The following OR51B5 variants were observed in gnomAD, a reference collection of about 807,000 sequenced individuals.
OR51B5 encodes olfactory receptor 51B5.
For missense variants in OR51B5, 456 were observed against 374.6 expected, an observed-to-expected ratio of 1.22 and a Z score of -1.79; for synonymous variants, 186 against 144.8, an observed-to-expected ratio of 1.28 and a Z score of -2.04.
chr11:5,485,867 C>T (rs1308971783), intron 1 of OR51B5, among the ~76,000 whole-genome samples: 2 of 152,090 alleles, frequency 1.3e-5, no homozygotes, highest in Non-Finnish European at 2.9e-5. Flanking sequence ...AATTAACCCT[C>T]AGCATCTCAG....
At chr11:5,351,045 T>G (rs1384523849) in intron 1 of OR51B5, among the ~76,000 whole-genome samples, 1 of 152,242 alleles carries the variant, frequency 6.6e-6, no homozygotes, top group Non-Finnish European at 1.5e-5. Context: ...AGAACCATTT[T>G]TCTACTGATC....
chr11:5,397,372 C>A (rs1360494597), intron 1 of OR51B5, among the ~76,000 whole-genome samples: 1 of 152,026 alleles, frequency 6.6e-6, no homozygotes, highest in Non-Finnish European at 1.5e-5. Flanking sequence ...AAAAAAACCC[C>A]ATCAAAAAGT....
At chr11:5,504,621 TCCCAAGCACAAG>T (rs1846347096) in intron 1 of OR51B5, among the ~76,000 whole-genome samples, 1 of 152,054 alleles carries the variant, frequency 6.6e-6, no homozygotes, top group East Asian at 1.9e-4. Context: ...GCCTTTATTT[TCCCAAGCACAAG>T]CTTTGGTCCT....
intron 1 of OR51B5, among the ~76,000 whole-genome samples, chr11:5,413,741 T>A (rs1039740105): frequency 5.9e-5 from 9 of 151,930 alleles, no homozygotes; most frequent in African/African-American, 2.2e-4. Context: ...GAAAAAAGAA[T>A]AAAAAGAAAC....
intron 1 of OR51B5, among the ~76,000 whole-genome samples, chr11:5,387,898 G>A (rs1243147549): frequency 8.6e-6 from 1 of 116,006 alleles, no homozygotes; most frequent in Non-Finnish European, 2.1e-5. Flanking sequence ...TTGCATTGCA[G>A]TATGTATGTA....
intron 1 of OR51B5, chr11:5,441,065 G>A (rs1228012308): frequency 8.1e-6 from 13 of 1,613,944 alleles, no homozygotes; most frequent in Non-Finnish European, 9.3e-6. Flanking sequence ...TCTTGGTAAG[G>A]ATGCCCAGAC....
intron 1 of OR51B5, among the ~76,000 whole-genome samples, chr11:5,453,099 G>T (rs1439210304): frequency 1.3e-5 from 2 of 152,196 alleles, no homozygotes; most frequent in Non-Finnish European, 2.9e-5. Context: ...ACAAACTCCT[G>T]ACTTTCTTCT....
intron 1 of OR51B5, among the ~76,000 whole-genome samples, chr11:5,442,265 A>T (rs981849141): frequency 6.6e-6 from 1 of 152,240 alleles, no homozygotes. Context: ...ACCAAAGAAG[A>T]AAGTATTTTA....
At chr11:5,425,103 T>A (rs1472386928) in intron 1 of OR51B5, among the ~76,000 whole-genome samples, 5 of 151,598 alleles carry the variant, frequency 3.3e-5, no homozygotes, top group Admixed American at 2.6e-4. Context: ...TAGCATTTTT[T>A]AATAGAAACA....
chr11:5,499,872 A>ACTAT (rs1851693968), intron 1 of OR51B5, among the ~76,000 whole-genome samples: 1 of 152,204 alleles, frequency 6.6e-6, no homozygotes, highest in Non-Finnish European at 1.5e-5. Flanking sequence ...AGTTCATTTC[A>ACTAT]CTATCTTAAT....
intron 1 of OR51B5, among the ~76,000 whole-genome samples, chr11:5,377,566 T>C (rs923255338): frequency 1.1e-4 from 16 of 152,140 alleles, no homozygotes; most frequent in Non-Finnish European, 2.1e-4. Flanking sequence ...AAAACCCCCT[T>C]GTCTCAGCCC....
intron 1 of OR51B5, among the ~76,000 whole-genome samples, chr11:5,409,485 T>C (rs1850110348): frequency 6.9e-6 from 1 of 144,372 alleles, no homozygotes. Flanking sequence ...TATTAAAAAA[T>C]AATTCAATGC....
chr11:5,430,533 A>G, intron 1 of OR51B5: 2 of 362,702 alleles, frequency 5.5e-6, no homozygotes, highest in Non-Finnish European at 1.1e-5. Context: ...AGCCTGTTGC[A>G]ATACTTTGAA....
At chr11:5,423,987 T>A (rs1412564797) in intron 1 of OR51B5, among the ~76,000 whole-genome samples, 1 of 152,212 alleles carries the variant, frequency 6.6e-6, no homozygotes, top group African/African-American at 2.4e-5. Context: ...TTGGGCATCA[T>A]GAATTTTTCA....
At chr11:5,483,817 C>T (rs1020000312) in intron 1 of OR51B5, among the ~76,000 whole-genome samples, 14 of 152,150 alleles carry the variant, frequency 9.2e-5, no homozygotes, top group African/African-American at 3.4e-4. Context: ...GTTTACCAAT[C>T]CCCTTGACTA....
intron 1 of OR51B5, among the ~76,000 whole-genome samples, chr11:5,460,421 A>T (rs1215153550): frequency 1.3e-5 from 2 of 152,132 alleles, no homozygotes; most frequent in African/African-American, 2.4e-5. Flanking sequence ...CTTCTACTGA[A>T]TTTTTTATTT....
chr11:5,483,511 A>AAAAAAG (rs1203561226), intron 1 of OR51B5, among the ~76,000 whole-genome samples: 1 of 135,156 alleles, frequency 7.4e-6, no homozygotes, highest in African/African-American at 2.8e-5. Context: ...GTATAATTAA[A>AAAAAAG]AAAAAAAGAA....
Position 5,448,130 on chromosome 11 carries a change from T to TC in OR51B5, n.84+57438dup, listed in dbSNP as rs1261986880. ...GCTGCCTACAATGATACCTTCATATTCCCTTTTTGTCTTGTGTGTTCGCCA... is the reference window on the plus strand; with the variant it reads ...GCTGCCTACAATGATACCTTCATATTCCCCTTTTTGTCTTGTGTGTTCGCCA... On this transcript the variant is annotated intron_variant and non_coding_transcript_variant, in intron 1 of 4. Transcript: ENST00000415970. Among the ~76,000 whole-genome samples, 3 of 152,218 alleles carry TC rather than the reference T, an allele frequency of 2.0e-5. No homozygotes were observed. The South Asian group carries it at 6.2e-4, about 32-fold the overall frequency.
At chr11:5,387,383 TA>T (rs747253491) in intron 1 of OR51B5, among the ~76,000 whole-genome samples, 1 of 151,896 alleles carries the variant, frequency 6.6e-6, no homozygotes, top group Non-Finnish European at 1.5e-5. Flanking sequence ...AAGTGGGTTT[TA>T]AAAAAAACAT....
Sources: allele counts gnomAD v4.1 joint callset (sites outside exome capture counted in the v4.1 genomes callset), GRCh38; gene constraint gnomAD v4.1.1; transcripts MANE v1.5; gene names NCBI Gene and HGNC (gene_info 2026-07-23, HGNC 2026-07-21).